ERLIN2: variants seen among roughly 807,000 people sequenced by gnomAD.
The protein encoded by ERLIN2 is erlin-2.
ERLIN2 carries 22 observed loss-of-function variants against 41.5 expected under a neutral mutation model. The observed-to-expected ratio is 0.53, with a 90% CI of 0.38 to 0.76. The LOEUF is 0.76. ERLIN2 is among the 30% of genes least tolerant of loss of function. ERLIN2 has a pLI of 0.00. For missense variants in ERLIN2, 247 were observed against 414.3 expected (o/e 0.60, Z 3.51); for synonymous variants, 149 against 150.9 (o/e 0.99, Z 0.09).
At chr8:37,745,563 C>T (rs1234938601) in intron 6 of ERLIN2, 1 of 1,613,776 alleles carries the variant, frequency 6.2e-7, no homozygotes, top group Non-Finnish European at 8.5e-7. Flanking sequence ...CTGTTCTTGA[C>T]ACTAGGACTG....
intron 6 of ERLIN2, among the ~76,000 whole-genome samples, chr8:37,748,603 C>G (rs915047024): frequency 6.6e-6 from 1 of 152,238 alleles, no homozygotes; most frequent in African/African-American, 2.4e-5. Context: ...GAGACTTTCT[C>G]TTCCTCAGAG....
intron 6 of ERLIN2, among the ~76,000 whole-genome samples, chr8:37,747,051 T>C (rs1005826552): frequency 6.6e-6 from 1 of 152,190 alleles, no homozygotes; most frequent in Non-Finnish European, 1.5e-5. Context: ...CAAGCACTTA[T>C]CTATTCATAA....
chr8:37,751,644 A>G lies in ERLIN2; in HGVS notation c.668A>G (p.Gln223Arg), dbSNP rs1803221037. The G allele has an allele frequency of 1.2e-6, 2 of 1,613,710 alleles. No homozygotes were observed. The highest frequency in any genetic ancestry group is 1.7e-6 in the Non-Finnish European group (2 of 1,179,574). The change falls in exon 10 of 12, where the codon CAG becomes CGG. Residue 223 changes from glutamine (Q) to arginine (R), a missense_variant. Gln to Arg is a conservative substitution (Grantham distance 43, BLOSUM62 1). Around this residue, in one of 3 missense-constraint regions of ERLIN2, gnomAD observed 153 missense variants for 256.4 expected, o/e 0.60. Coordinates refer to ENST00000519638, the MANE Select transcript of ERLIN2 (RefSeq NM_007175.8). ...KALIEAEKVA[Q>R]VAEITYGQKV... Reference sequence around the variant, plus strand: ...TATTCAGAGGCAGAAAAAGTGGCCCAGGTGGCTGAGATCACCTACGGGCAG... The same window carrying G: ...TATTCAGAGGCAGAAAAAGTGGCCCGGGTGGCTGAGATCACCTACGGGCAG...
In ERLIN2 at chr8:37,750,426, G is replaced by A. The variant is rs149254654; in HGVS notation, c.589G>A (p.Ala197Thr). The stretch of plus-strand genomic sequence containing the variant: ...TGAGAAGACAAAGCTTCTCATTGCC[G>A]CCCAGAAACAGAAGGTGGTGGAAAA... ...ESEKTKLLIA[A>T]QKQKVVEKEA... is the part of the protein sequence containing the mutation. Residue 197 changes from alanine (A) to threonine (T), a missense_variant, in exon 9 of 12, where the codon GCC (alanine) becomes ACC (threonine). Ala to Thr is a moderately conservative substitution (Grantham distance 58). Transcript: ENST00000519638. The A allele has an allele frequency of 2.0e-5, 32 of 1,613,558 alleles. No individual in the cohort carries two copies. The highest frequency in any genetic ancestry group is 1.7e-5 in the Admixed American group (1 of 59,996).
chr8:37,749,067 A>G lies in ERLIN2; in HGVS notation c.425-492A>G, dbSNP rs62490676. The stretch of plus-strand genomic sequence containing the variant: ...TCCTTGGGGCTCTCCTTGACGTCAA[A>G]GTCTGTTTTTCTTTTAGAAACTTCT... On this transcript the variant is annotated intron_variant, in intron 6 of 11. Transcript: ENST00000519638. Among the ~76,000 whole-genome samples, 1,152 of 152,306 alleles carry G rather than the reference A, an allele frequency of 7.6e-3. 8 individuals carry two copies. Among genetic ancestry groups the G allele is most frequent in the Non-Finnish European group, 0.012 (806 of 68,018 alleles).
In ERLIN2 at chr8:37,740,361, G is replaced by T; in HGVS notation, c.108-4G>T. On this transcript the variant is annotated splice_polypyrimidine_tract_variant and splice_region_variant and intron_variant, in intron 2 of 11. Coordinates refer to ENST00000519638, the MANE Select transcript of ERLIN2 (RefSeq NM_007175.8). Reference sequence around the variant, plus strand: ...GCTGCCTCTCTCTTCCCCCTCCTCTGCAGAGGCGGTGCCCTGCTGACTTCG... The same window carrying T: ...GCTGCCTCTCTCTTCCCCCTCCTCTTCAGAGGCGGTGCCCTGCTGACTTCG... 6.2e-7 allele frequency: 1 copy of T among 1,610,076 alleles called. No individual in the cohort carries two copies. The highest frequency in any genetic ancestry group is 8.5e-7 in the Non-Finnish European group (1 of 1,177,248).
At chr8:37,749,429 T>C in intron 6 of ERLIN2, 130 bp from the exon 7 acceptor site, 2 of 741,080 alleles carry the variant, frequency 2.7e-6, no homozygotes, top group Non-Finnish European at 2.4e-6. Flanking sequence ...ATTTGTGGGC[T>C]TTGATAAGCA....
rs1802708961 is a variant in ERLIN2, at chr8:37,737,902, C to T, written c.-15-6C>T. ...CCACACACATTTTCCCGTGTCTTTT[C>T]CCTAGGATAAAGGCTCACTGATGGC... On this transcript the variant is annotated splice_region_variant and splice_polypyrimidine_tract_variant and intron_variant, in intron 1 of 11. Coordinates refer to ENST00000519638, the MANE Select transcript of ERLIN2 (RefSeq NM_007175.8). 3.1e-6 allele frequency: 5 copies of T among 1,613,950 alleles called. No individual in the cohort carries two copies. The highest frequency in any genetic ancestry group is 1.7e-4 in the Middle Eastern group (1 of 5,966).
Position 37,741,803 on chromosome 8 carries a change from T to C in ERLIN2, c.221T>C (p.Val74Ala). 2 of 1,613,540 alleles carry C rather than the reference T, an allele frequency of 1.2e-6. No individual in the cohort carries two copies. Among genetic ancestry groups the C allele is most frequent in the East Asian group, 2.2e-5 (1 of 44,890 alleles). ...TTLQTDEVKN[V>A]PCGTSGGVMI... ...CTCCAGACAGATGAGGTGAAGAATG[T>C]ACCTTGTGGGACTAGGTAAGGTACC... The change falls in exon 4 of 12, where the codon GTA becomes GCA. Residue 74 changes from valine (V) to alanine (A), a missense_variant. Val to Ala is a moderately conservative substitution (Grantham distance 64). Coordinates refer to ENST00000519638, the MANE Select transcript of ERLIN2 (RefSeq NM_007175.8). The surrounding 1 kb of genome is among the most constrained non-coding windows in gnomAD (Gnocchi z 4.8).
At position 37,744,701 on chromosome 8, in the gene ERLIN2, G is replaced by A. The variant is rs1417842028; in HGVS notation, c.424+5G>A. The A allele has an allele frequency of 1.2e-6, 2 of 1,614,108 alleles. No individual in the cohort carries two copies. The highest frequency in any genetic ancestry group is 1.7e-6 in the Non-Finnish European group (2 of 1,180,044). ...AGGTCTACATTGAGCTGTTTGGTAA[G>A]AAAGTCTCTCCTGAGCATGCCGTGC... On this transcript the variant is annotated splice_donor_5th_base_variant and intron_variant, in intron 6 of 11. Transcript: ENST00000519638.
In ERLIN2 at chr8:37,753,831, A is replaced by G; in HGVS notation, c.820-84A>G. On this transcript the variant is annotated intron_variant, in intron 11 of 11. Coordinates refer to ENST00000519638, the MANE Select transcript of ERLIN2 (RefSeq NM_007175.8). ...ACAAAAAGTAGGTAGGGGCATAAAT[A>G]TAGGAAAATTGAAGGGGCACCACTC... 2.5e-6 allele frequency: 3 copies of G among 1,186,400 alleles called. No individual in the cohort carries two copies. In the South Asian group the frequency reaches 3.8e-5, roughly 15 times the overall value. The allele number at this position is 1,186,400 out of a possible 1,614,324, so 73.5% of individuals were successfully genotyped here. A position where few individuals can be genotyped will look rare whatever the true frequency, so the allele number is the denominator to read the frequency against.
chr8:37,754,720 C>T lies in ERLIN2; in HGVS notation c.*605C>T, dbSNP rs1025933250. 2.5e-5 allele frequency: 4 copies of T among 161,738 alleles called. No homozygotes were observed. The highest frequency in any genetic ancestry group is 7.2e-5 in the African/African-American group (3 of 41,530). The allele number at this position is 161,738 out of a possible 1,614,324, so 10.0% of individuals were successfully genotyped here. A position where few individuals can be genotyped will look rare whatever the true frequency, so the allele number is the denominator to read the frequency against. On this transcript the variant is annotated 3_prime_UTR_variant, in exon 12 of 12. Coordinates refer to ENST00000519638, the MANE Select transcript of ERLIN2 (RefSeq NM_007175.8). ...GCTAGGTTTTGCAAGATTTTGTATA[C>T]ACTTTGCTCCTTGCCCTAGGGCTCA...
intron 6 of ERLIN2, chr8:37,745,660 C>T: frequency 6.2e-7 from 1 of 1,613,446 alleles, no homozygotes; most frequent in African/African-American, 1.3e-5. Flanking sequence ...ATCCACATCG[C>T]CAGCAATCAT....
At chr8:37,736,933 G>T in intron 1 of ERLIN2, 1 of 985,946 alleles carries the variant, frequency 1.0e-6, no homozygotes, top group Non-Finnish European at 1.2e-6. Flanking sequence ...GGGAAGGGGC[G>T]CGAGTGACCT....
chr8:37,737,079 G>C (rs1013535997), intron 1 of ERLIN2: 3 of 713,800 alleles, frequency 4.2e-6, no homozygotes, highest in East Asian at 2.6e-4. Context: ...CACGCCCTGC[G>C]CTCACGGGCC....
At position 37,741,566 on chromosome 8, in the gene ERLIN2, G is replaced by T. The variant is rs1053740512; in HGVS notation, c.190-206G>T. Among the ~76,000 whole-genome samples the T allele has an allele frequency of 6.6e-6, 1 of 152,152 alleles. No individual in the cohort carries two copies. Among genetic ancestry groups the T allele is most frequent in the African/African-American group, 2.4e-5 (1 of 41,428 alleles). On this transcript the variant is annotated intron_variant, in intron 3 of 11. Transcript: ENST00000519638. The surrounding 1 kb of genome is among the most constrained non-coding windows in gnomAD (Gnocchi z 4.8). ...TTATTACTCAGCTTGTTGATGTGGTGGTTCACTTATAGTGAGGCTGGGGCA... is the reference window on the plus strand; with the variant it reads ...TTATTACTCAGCTTGTTGATGTGGTTGTTCACTTATAGTGAGGCTGGGGCA...
In ERLIN2 at chr8:37,741,161, A is replaced by AAACT. The variant is rs1373645216; in HGVS notation, c.190-609_190-606dup. Among the ~76,000 whole-genome samples, 6 of 152,160 alleles carry AAACT rather than the reference A, an allele frequency of 3.9e-5. No homozygotes were observed. Among genetic ancestry groups the AAACT allele is most frequent in the African/African-American group, 9.7e-5 (4 of 41,432 alleles). ...GTTAAATAGGTAATCTGCTGTTTCA[A>AAACT]AACTAGTACAACAGCCCTCCCCCTT... is the stretch of plus-strand genomic sequence containing the variant. On this transcript the variant is annotated intron_variant, in intron 3 of 11. Coordinates refer to ENST00000519638, the MANE Select transcript of ERLIN2 (RefSeq NM_007175.8). This position sits in a 1 kb window ranked among gnomAD's most constrained non-coding sequence, Gnocchi z 4.8.
chr8:37,742,609 A>G (rs1802890232), intron 4 of ERLIN2, among the ~76,000 whole-genome samples: 1 of 152,168 alleles, frequency 6.6e-6, no homozygotes, highest in Admixed American at 6.5e-5. Context: ...AATGATGAGA[A>G]CACATGGACA....
chr8:37,744,750 G>A (rs576000627), intron 6 of ERLIN2, 54 bp downstream of exon 6: 24 of 1,608,438 alleles, frequency 1.5e-5, no homozygotes, highest in Middle Eastern at 1.7e-4. Flanking sequence ...CTGGAACCCC[G>A]CGTCTCTCCA....
Sources: gnomAD v4.1 joint callset for allele counts (sites outside exome capture counted in the v4.1 genomes callset) on GRCh38, gnomAD v4.1.1 for gene constraint, gnomAD v4.1.1 regional missense constraint, Gnocchi (gnomAD v3.1) non-coding constraint, MANE v1.5 for transcripts, NCBI Gene and HGNC (gene_info 2026-07-23, HGNC 2026-07-21) for gene names.